Variants in ADAMTSL3 observed in about 807,000 individuals in gnomAD.
ADAMTSL3 encodes ADAMTS-like protein 3.
ADAMTSL3 carries 128 observed loss-of-function variants against 201.7 expected under a neutral mutation model. That is an observed-to-expected ratio of 0.63 (90% CI 0.55 to 0.73). The LOEUF (loss-of-function observed/expected upper bound fraction) is 0.73, where lower values mean the gene tolerates loss of function less well. ADAMTSL3 is among the 30% of genes least tolerant of loss of function. The pLI is 0.00. For synonymous variants in ADAMTSL3, 738 were observed against 748.4 expected (o/e 0.99, Z 0.23); for missense variants, 1,990 against 2,119.6 (o/e 0.94, Z 1.20).
intron 8 of ADAMTSL3, among the ~76,000 whole-genome samples, chr15:83,863,686 C>A (rs1179205411): frequency 7.2e-5 from 11 of 152,008 alleles, no homozygotes; most frequent in East Asian, 1.9e-4. Context: ...TTGACACCCT[C>A]ACATCACAAT....
At chr15:83,723,556 G>A (rs2062130674) in intron 3 of ADAMTSL3, among the ~76,000 whole-genome samples, 4 of 152,234 alleles carry the variant, frequency 2.6e-5, no homozygotes, top group South Asian at 4.1e-4. Flanking sequence ...ATGTTAAACC[G>A]TAGGGGAATG....
intron 6 of ADAMTSL3, among the ~76,000 whole-genome samples, chr15:83,828,575 T>C (rs938158841): frequency 7.2e-5 from 11 of 151,908 alleles, no homozygotes; most frequent in African/African-American, 2.7e-4. Context: ...TGAATAGGAG[T>C]GGTGAGAGAG....
intron 16 of ADAMTSL3, among the ~76,000 whole-genome samples, chr15:83,914,993 C>T (rs1316169413): frequency 1.3e-5 from 2 of 152,090 alleles, no homozygotes; most frequent in Non-Finnish European, 2.9e-5. Context: ...GAGATAGCCA[C>T]GGAGATGCAA....
At chr15:83,841,713 C>T (rs2064377854) in intron 7 of ADAMTSL3, among the ~76,000 whole-genome samples, 1 of 152,018 alleles carries the variant, frequency 6.6e-6, no homozygotes, top group Admixed American at 6.5e-5. Context: ...CGCCCTTGGG[C>T]CTGTGCCCAC....
chr15:84,029,445 G>T (rs1396359287), intron 27 of ADAMTSL3, among the ~76,000 whole-genome samples: 1 of 152,210 alleles, frequency 6.6e-6, no homozygotes, highest in Non-Finnish European at 1.5e-5. Context: ...TGAGAGAGAT[G>T]ATTTAGGGTA....
At chr15:83,810,487 A>G (rs1404926330) in intron 5 of ADAMTSL3, among the ~76,000 whole-genome samples, 1 of 152,224 alleles carries the variant, frequency 6.6e-6, no homozygotes, top group African/African-American at 2.4e-5. Flanking sequence ...TTGTGGTAAC[A>G]TATTACTATA....
intron 9 of ADAMTSL3, among the ~76,000 whole-genome samples, chr15:83,873,833 G>A (rs1377520953): frequency 6.8e-6 from 1 of 146,106 alleles, no homozygotes; most frequent in Non-Finnish European, 1.5e-5. Flanking sequence ...GCAGTGGTAT[G>A]GCAGGTGAGT....
chr15:83,890,071 G>T (rs548152558), intron 10 of ADAMTSL3, 38 bp from the exon 11 acceptor site: 14 of 1,572,170 alleles, frequency 8.9e-6, no homozygotes, highest in Non-Finnish European at 1.2e-5. Flanking sequence ...AAAATGAAAC[G>T]GATGCAATAT....
At chr15:84,016,639 C>T in intron 25 of ADAMTSL3, 140 bp downstream of exon 25, 2 of 708,564 alleles carry the variant, frequency 2.8e-6, no homozygotes, top group East Asian at 2.7e-5. Flanking sequence ...TTTTCTTGAC[C>T]CTCAGTCTTT....
At chr15:83,960,818 C>T (rs2066954193) in intron 19 of ADAMTSL3, among the ~76,000 whole-genome samples, 1 of 152,086 alleles carries the variant, frequency 6.6e-6, no homozygotes, top group Non-Finnish European at 1.5e-5. Context: ...CTCGTTTCTC[C>T]CACCCGTGTT....
intron 23 of ADAMTSL3, among the ~76,000 whole-genome samples, chr15:84,004,414 A>G (rs901299423): frequency 6.6e-6 from 1 of 152,150 alleles, no homozygotes; most frequent in Admixed American, 6.5e-5. Context: ...GGTCCCTGGA[A>G]ATTATCTCAA....
intron 23 of ADAMTSL3, among the ~76,000 whole-genome samples, chr15:84,006,777 T>C (rs756484421): frequency 3.9e-5 from 6 of 152,248 alleles, no homozygotes; most frequent in Non-Finnish European, 5.9e-5. Flanking sequence ...CGAAGAAATC[T>C]GTCTGAATTT....
intron 3 of ADAMTSL3, among the ~76,000 whole-genome samples, chr15:83,759,825 A>C (rs1241931075): frequency 1.3e-5 from 2 of 152,122 alleles, no homozygotes; most frequent in Admixed American, 6.5e-5. Flanking sequence ...TAACATAAAG[A>C]AACATAATAT....
chr15:83,934,432 CTT>C (rs2066424094), intron 17 of ADAMTSL3, among the ~76,000 whole-genome samples: 1 of 152,188 alleles, frequency 6.6e-6, no homozygotes, highest in African/African-American at 2.4e-5. Flanking sequence ...AAGTAACTAA[CTT>C]GATTTTCATT....
chr15:83,766,954 C>T (rs748727598), intron 3 of ADAMTSL3, among the ~76,000 whole-genome samples: 7 of 152,034 alleles, frequency 4.6e-5, no homozygotes, highest in Non-Finnish European at 7.4e-5. Context: ...ACAGGCCGGA[C>T]GTGGTGGCGA....
chr15:83,745,224 C>G (rs1036793297), intron 3 of ADAMTSL3, among the ~76,000 whole-genome samples: 2 of 152,188 alleles, frequency 1.3e-5, no homozygotes, highest in African/African-American at 4.8e-5. Flanking sequence ...GCTCCCTTTC[C>G]TGATGAGAGA....
At chr15:83,884,978 CAT>C in intron 9 of ADAMTSL3, 121 bp from the exon 10 acceptor site, 1 of 629,820 alleles carries the variant, frequency 1.6e-6, no homozygotes, top group Non-Finnish European at 2.8e-6. Context: ...ACTCTTGCCC[CAT>C]AGTTTTTCTA....
chr15:83,860,077 C>A (rs1369742796), intron 8 of ADAMTSL3, among the ~76,000 whole-genome samples: 1 of 152,066 alleles, frequency 6.6e-6, no homozygotes, highest in Non-Finnish European at 1.5e-5. Context: ...TTGAGGTAGT[C>A]CAGGGAGTAG....
chr15:83,798,784 G>GCGACAGA (rs1305468942), intron 4 of ADAMTSL3, among the ~76,000 whole-genome samples: 3 of 134,912 alleles, frequency 2.2e-5, no homozygotes, highest in Non-Finnish European at 4.6e-5. Context: ...TCCAGCCTGA[G>GCGACAGA]CGACAGAGTG....
Sources: gnomAD v4.1 joint callset for allele counts (sites outside exome capture counted in the v4.1 genomes callset) on GRCh38, gnomAD v4.1.1 for gene constraint, MANE v1.5 for transcripts, NCBI Gene and HGNC (gene_info 2026-07-23, HGNC 2026-07-21) for gene names.